PDE4B: variants seen among roughly 807,000 people sequenced by gnomAD.
The protein encoded by PDE4B is phosphodiesterase 4B.
PDE4B carries 20 observed loss-of-function variants against 82.2 expected under a neutral mutation model. The ratio of observed to expected loss-of-function variants is 0.24; its 90% CI spans 0.17 to 0.35. The LOEUF is 0.35. PDE4B is among the 10% of genes least tolerant of loss of function. The pLI is 1.00. For synonymous variants in PDE4B, 320 were observed against 318.9 expected (o/e 1.00, Z -0.04); for missense variants, 655 against 907.2 (o/e 0.72, Z 3.57).
chr1:66,277,499 G>T (rs558444983), intron 7 of PDE4B, among the ~76,000 whole-genome samples: 1 of 152,090 alleles, frequency 6.6e-6, no homozygotes, highest in African/African-American at 2.4e-5. Context: ...GGGTTCAACC[G>T]ATTCTCCTGC....
intron 3 of PDE4B, among the ~76,000 whole-genome samples, chr1:65,947,288 T>G (rs1042550758): frequency 6.6e-6 from 1 of 152,048 alleles, no homozygotes; most frequent in African/African-American, 2.4e-5. Context: ...AAGAAAACAT[T>G]TGCCAGTTCA....
chr1:65,850,880 G>T (rs1202832219), intron 1 of PDE4B, among the ~76,000 whole-genome samples: 1 of 152,078 alleles, frequency 6.6e-6, no homozygotes, highest in East Asian at 1.9e-4. Flanking sequence ...CTTTACCTAG[G>T]TAACAAATAT....
intron 3 of PDE4B, among the ~76,000 whole-genome samples, chr1:66,123,558 C>T (rs1645756521): frequency 6.6e-6 from 1 of 151,642 alleles, no homozygotes; most frequent in Non-Finnish European, 1.5e-5. Flanking sequence ...CCCTCCTTCC[C>T]TCCCTCTCTT....
intron 7 of PDE4B, among the ~76,000 whole-genome samples, chr1:66,296,293 A>G (rs1557685044): frequency 6.6e-6 from 1 of 152,190 alleles, no homozygotes; most frequent in East Asian, 1.9e-4. Flanking sequence ...TGAGACCTAC[A>G]TACTGGTAGG....
chr1:65,979,390 G>T (rs551995812), intron 3 of PDE4B, among the ~76,000 whole-genome samples: 2 of 152,174 alleles, frequency 1.3e-5, no homozygotes, highest in Non-Finnish European at 2.9e-5. Context: ...GGGTGGTGGT[G>T]CCGCTACTCC....
chr1:66,136,196 T>A (rs142226029), intron 3 of PDE4B, among the ~76,000 whole-genome samples: 1 of 152,304 alleles, frequency 6.6e-6, no homozygotes, highest in South Asian at 2.1e-4. Flanking sequence ...ATCTAAGATA[T>A]CCTTTCTACT....
At chr1:66,005,726 A>G (rs1424211203) in intron 3 of PDE4B, among the ~76,000 whole-genome samples, 1 of 152,192 alleles carries the variant, frequency 6.6e-6, no homozygotes, top group South Asian at 2.1e-4. Context: ...ACCTGTATGG[A>G]AATTGTAGAT....
chr1:66,281,498 C>T (rs902196094), intron 7 of PDE4B, among the ~76,000 whole-genome samples: 1 of 152,162 alleles, frequency 6.6e-6, no homozygotes, highest in African/African-American at 2.4e-5. Context: ...GATCACTTGC[C>T]TAGACATATG....
chr1:66,036,508 A>C (rs1472397462), intron 3 of PDE4B, among the ~76,000 whole-genome samples: 1 of 152,126 alleles, frequency 6.6e-6, no homozygotes, highest in Non-Finnish European at 1.5e-5. Context: ...TAGGGGTGAG[A>C]TAAGAGTCCA....
chr1:65,987,095 T>G (rs894882336), intron 3 of PDE4B, among the ~76,000 whole-genome samples: 3 of 152,174 alleles, frequency 2.0e-5, no homozygotes, highest in African/African-American at 7.2e-5. Flanking sequence ...TGTAGGGACC[T>G]CAAGGCCACT....
At chr1:66,365,567 C>T (rs1663178518) in intron 12 of PDE4B, 100 bp from the exon 13 acceptor site, 5 of 585,200 alleles carry the variant, frequency 8.5e-6, no homozygotes, top group Non-Finnish European at 1.6e-5. Context: ...TCAACAATCC[C>T]TCTCCCAACA....
intron 3 of PDE4B, among the ~76,000 whole-genome samples, chr1:66,197,761 T>C (rs984704352): frequency 9.2e-5 from 14 of 152,072 alleles, no homozygotes; most frequent in African/African-American, 2.7e-4. Context: ...AAAAAATGCA[T>C]AGACAAAATT....
chr1:65,874,878 A>C (rs1646620143), intron 1 of PDE4B, among the ~76,000 whole-genome samples: 2 of 152,206 alleles, frequency 1.3e-5, no homozygotes, highest in Non-Finnish European at 2.9e-5. Context: ...ACCATTCAGG[A>C]CATAGGCATG....
rs563735144 is a variant in PDE4B, at chr1:66,013,737, T to C, written c.281+94902T>C. 7.9e-5 allele frequency among the ~76,000 whole-genome samples: 12 copies of C among 152,270 alleles called. No individual in the cohort carries two copies. In the South Asian group the frequency reaches 1.7e-3, roughly 21 times the overall value. The stretch of plus-strand genomic sequence containing the variant: ...TAGGTTGCTTCCACCTTTTGGCTAT[T>C]GTGAATAATGCTGTTATGAACATGG... On this transcript the variant is annotated intron_variant, in intron 3 of 16. Coordinates refer to ENST00000341517, the MANE Select transcript of PDE4B (RefSeq NM_002600.4).
intron 3 of PDE4B, among the ~76,000 whole-genome samples, chr1:65,944,725 A>T (rs1648615242): frequency 6.6e-6 from 1 of 151,946 alleles, no homozygotes; most frequent in Non-Finnish European, 1.5e-5. Flanking sequence ...AGCATACTGC[A>T]GGTAAGTCAT....
At chr1:65,995,151 C>T (rs1557484210) in intron 3 of PDE4B, among the ~76,000 whole-genome samples, 1 of 152,026 alleles carries the variant, frequency 6.6e-6, no homozygotes. Flanking sequence ...TGTGAAATAA[C>T]TTTAGTTTTG....
At chr1:66,168,411 G>T (rs1041549961) in intron 3 of PDE4B, among the ~76,000 whole-genome samples, 1 of 152,148 alleles carries the variant, frequency 6.6e-6, no homozygotes, top group African/African-American at 2.4e-5. Context: ...CCTTGATAAC[G>T]AGGTGACATT....
chr1:66,108,049 A>C (rs953316479), intron 3 of PDE4B, among the ~76,000 whole-genome samples: 8 of 151,884 alleles, frequency 5.3e-5, no homozygotes, highest in African/African-American at 1.9e-4. Flanking sequence ...ATTACCTCAC[A>C]TACTTATTTC....
At chr1:66,125,316 AC>A (rs1450086711) in intron 3 of PDE4B, among the ~76,000 whole-genome samples, 1 of 151,968 alleles carries the variant, frequency 6.6e-6, no homozygotes, top group Admixed American at 6.6e-5. Flanking sequence ...AGTGCCAGCC[AC>A]CATGCCCAGC....
Sources: gnomAD v4.1 joint callset for allele counts (sites outside exome capture counted in the v4.1 genomes callset) on GRCh38, gnomAD v4.1.1 for gene constraint, MANE v1.5 for transcripts, NCBI Gene and HGNC (gene_info 2026-07-23, HGNC 2026-07-21) for gene names.